The following POP1 variants were observed in gnomAD, a reference collection of about 807,000 sequenced individuals.
POP1 encodes POP1 ribonuclease P/MRP subunit, also known as ribonucleases P/MRP protein subunit POP1.
Under a neutral mutation model 102.2 loss-of-function variants are expected in POP1, and 75 were observed. The observed-to-expected ratio is 0.73, with a 90% confidence interval of 0.61 to 0.89. POP1 has a LOEUF of 0.89. Among genes scored for constraint, POP1 ranks in the 40% least tolerant of loss-of-function variants. The pLI is 0.00. For missense variants in POP1, 1,116 were observed against 1,267.4 expected (o/e 0.88, Z 1.81); for synonymous variants, 436 against 464.1 (o/e 0.94, Z 0.78).
At chr8:98,122,312 G>T (rs1816054455) in intron 1 of POP1, among the ~76,000 whole-genome samples, 1 of 152,192 alleles carries the variant, frequency 6.6e-6, no homozygotes, top group South Asian at 2.1e-4. Context: ...CAACACACCT[G>T]TGCTGCTTTG....
In POP1 at chr8:98,128,464, G is replaced by A. The variant is rs150791484; in HGVS notation, c.410G>A (p.Arg137Gln). The change falls in exon 4 of 16, where the codon CGG becomes CAG. Residue 137 changes from arginine to glutamine, a missense_variant. Arg to Gln is a conservative substitution (Grantham distance 43). Transcript: ENST00000401707. ...SNSLVFQTLPRHMRRRAMSHN... is the reference protein window; with the variant it reads ...SNSLVFQTLPQHMRRRAMSHN... ...TCACTGGTTTTTCAGACTCTGCCAC[G>A]GCACATGCGACGAAGAGCCATGAGC... 80 of 1,613,942 alleles carry A rather than the reference G, an allele frequency of 5.0e-5. No individual in the cohort carries two copies. The African/African-American group carries it at 8.4e-4, about 17-fold the overall frequency.
At chr8:98,123,511 G>T (rs1186787167) in intron 2 of POP1, 32 bp downstream of exon 2, 2 of 1,601,984 alleles carry the variant, frequency 1.2e-6, no homozygotes, top group Admixed American at 3.4e-5. Flanking sequence ...AGGCATGGTG[G>T]CTCACGCCTG....
chr8:98,120,708 G>T (rs1447989226), intron 1 of POP1, among the ~76,000 whole-genome samples: 16 of 151,094 alleles, frequency 1.1e-4, no homozygotes, highest in African/African-American at 3.7e-4. Context: ...GTGCAGTGGC[G>T]CGATCTCGGC....
Position 98,148,895 on chromosome 8 carries a change from A to G in POP1, c.1791A>G (p.Ile597Met). The change falls in exon 13 of 16, where the codon ATA (isoleucine) becomes ATG (methionine). Residue 597 changes from isoleucine (I) to methionine (M), a missense_variant. Coordinates refer to ENST00000401707, the MANE Select transcript of POP1 (RefSeq NM_001145860.2). ...ILGPHESKIPILLIQQPGKVT... is the reference protein window; with the variant it reads ...ILGPHESKIPMLLIQQPGKVT... The stretch of plus-strand genomic sequence containing the variant: ...GTCCCCATGAATCCAAGATACCTAT[A>G]CTTTTGATTCAGCAGCCAGGAAAAG... The G allele has an allele frequency of 6.2e-7, 1 of 1,613,950 alleles. No individual in the cohort carries two copies. The highest frequency in any genetic ancestry group is 2.2e-5 in the East Asian group (1 of 44,886).
intron 11 of POP1, 130 bp from the exon 12 acceptor site, chr8:98,146,438 T>C (rs542593633): frequency 8.9e-5 from 66 of 745,234 alleles, no homozygotes; most frequent in East Asian, 5.4e-5. Flanking sequence ...TCTTGTCAAG[T>C]AAATTCTTCT....
Position 98,158,134 on chromosome 8 carries a change from G to A in POP1, c.2938G>A (p.Glu980Lys). The part of the protein sequence containing the change: ...GDFSMAVGCG[E>K]ALGFVSLTGL... ...TTTTTCCATGGCTGTTGGCTGTGGA[G>A]AAGCCCTGGGGTTTGTTAGCTTGAC... The change falls in exon 16 of 16, where the codon GAA becomes AAA. Residue 980 changes from glutamate (E) to lysine (K), a missense_variant. Coordinates refer to ENST00000401707, the MANE Select transcript of POP1 (RefSeq NM_001145860.2). 1.2e-6 allele frequency: 2 copies of A among 1,607,362 alleles called. No homozygotes were observed. Among genetic ancestry groups the A allele is most frequent in the South Asian group, 1.1e-5 (1 of 90,578 alleles).
intron 7 of POP1, among the ~76,000 whole-genome samples, chr8:98,134,916 ACAAT>A (rs1336478458): frequency 6.6e-6 from 1 of 152,218 alleles, no homozygotes; most frequent in Non-Finnish European, 1.5e-5. Context: ...GTTGTATACC[ACAAT>A]CAAATAACAC....
Position 98,156,399 on chromosome 8 carries a change from C to G in POP1, c.2407C>G (p.Leu803Val). 1 of 1,613,706 alleles carries G rather than the reference C, an allele frequency of 6.2e-7. No homozygotes were observed. ...CCATGTTGCTGCCACAGGGAGTCAC[C>G]TCTGCGTTCTCAGGTAAGTGTCGGT... ...ENHVAATGSH[L>V]CVLRSRKLLK... The change falls in exon 15 of 16, where the codon CTC becomes GTC. Residue 803 changes from leucine to valine, a missense_variant. Leu to Val is a conservative substitution (Grantham distance 32). Transcript: ENST00000401707.
In POP1 at chr8:98,150,652, C is replaced by T. The variant is rs755269797; in HGVS notation, c.2057+13C>T. ...AAAAGTACAAAAGGTAAGAAACTGG[C>T]TTCTCTAATTTGATAATGTATTAAG... On this transcript the variant is annotated intron_variant, in intron 14 of 15. Coordinates refer to ENST00000401707, the MANE Select transcript of POP1 (RefSeq NM_001145860.2). 1.2e-6 allele frequency: 2 copies of T among 1,613,084 alleles called. No individual in the cohort carries two copies. The highest frequency in any genetic ancestry group is 1.7e-6 in the Non-Finnish European group (2 of 1,179,282).
At chr8:98,136,267 G>A (rs1816536853) in intron 7 of POP1, among the ~76,000 whole-genome samples, 1 of 151,628 alleles carries the variant, frequency 6.6e-6, no homozygotes, top group African/African-American at 2.4e-5. Context: ...AGTAGAGATG[G>A]AGTTTTGCCA....
At chr8:98,139,084 C>G (rs2130608259) in intron 9 of POP1, among the ~76,000 whole-genome samples, 1 of 152,200 alleles carries the variant, frequency 6.6e-6, no homozygotes, top group Admixed American at 6.5e-5. Context: ...CTCCTGGCCT[C>G]AAGTGACCCG....
At chr8:98,134,384 C>A in intron 6 of POP1, 88 bp from the exon 7 acceptor site, 1 of 1,354,038 alleles carries the variant, frequency 7.4e-7, no homozygotes, top group Non-Finnish European at 1.1e-6. Flanking sequence ...CTCATGGAGG[C>A]AGACAGTAAA....
intron 1 of POP1, among the ~76,000 whole-genome samples, chr8:98,121,268 G>A (rs1816011802): frequency 4.6e-5 from 7 of 152,178 alleles, no homozygotes; most frequent in Admixed American, 4.6e-4. Context: ...AATTTTGTGT[G>A]AGGTCTTGCA....
intron 1 of POP1, among the ~76,000 whole-genome samples, chr8:98,121,441 C>T (rs1459759753): frequency 6.6e-6 from 1 of 151,136 alleles, no homozygotes; most frequent in East Asian, 2.0e-4. Flanking sequence ...GGATATTAGA[C>T]AGCCTGCTAT....
intron 4 of POP1, among the ~76,000 whole-genome samples, chr8:98,129,134 T>G (rs1048918829): frequency 5.3e-5 from 8 of 152,184 alleles, no homozygotes; most frequent in Non-Finnish European, 1.0e-4. Flanking sequence ...AAAAAAAAAC[T>G]CTGACCCTCT....
In POP1 at chr8:98,158,160, A is replaced by C; in HGVS notation, c.2964A>C (p.Thr988=). ...CGEALGFVSL[T]GLLDMLSSQP... ...AAGCCCTGGGGTTTGTTAGCTTGAC[A>C]GGCTTGCTGGATATGCTGTCCAGCC... The change falls in exon 16 of 16, where the codon ACA becomes ACC. Residue 988 remains threonine (T), a synonymous_variant. Transcript: ENST00000401707. 1 of 1,609,606 alleles carries C rather than the reference A, an allele frequency of 6.2e-7. No homozygotes were observed. Among genetic ancestry groups the C allele is most frequent in the Non-Finnish European group, 8.5e-7 (1 of 1,178,452 alleles).
intron 11 of POP1, among the ~76,000 whole-genome samples, chr8:98,144,660 G>C (rs1816796935): frequency 6.6e-6 from 1 of 152,242 alleles, no homozygotes; most frequent in Non-Finnish European, 1.5e-5. Context: ...TATCTCTTTT[G>C]TCTGCAGCTT....
At chr8:98,126,397 T>C (rs143364647) in intron 2 of POP1, among the ~76,000 whole-genome samples, 3 of 152,246 alleles carry the variant, frequency 2.0e-5, no homozygotes, top group East Asian at 3.9e-4. Flanking sequence ...TCCGACCTCA[T>C]GTGATGGGTC....
chr8:98,148,591 G>A (rs1301380382), intron 12 of POP1, among the ~76,000 whole-genome samples: 1 of 152,168 alleles, frequency 6.6e-6, no homozygotes, highest in Non-Finnish European at 1.5e-5. Flanking sequence ...GATAATGAAT[G>A]ATATAAGATA....
Sources: gnomAD v4.1 joint callset for allele counts (sites outside exome capture counted in the v4.1 genomes callset) on GRCh38, gnomAD v4.1.1 for gene constraint, MANE v1.5 for transcripts, NCBI Gene and HGNC (gene_info 2026-07-23, HGNC 2026-07-21) for gene names.